CDC73: variants seen among roughly 807,000 people sequenced by gnomAD.
CDC73 encodes parafibromin.
Under a neutral mutation model 83.7 loss-of-function variants are expected in CDC73, and 21 were observed. The ratio of observed to expected loss-of-function variants is 0.25; its 90% CI spans 0.18 to 0.36. CDC73 has a LOEUF of 0.36. Among genes scored for constraint, CDC73 ranks in the 10% least tolerant of loss-of-function variants. The pLI is 1.00. For synonymous variants in CDC73, 224 were observed against 212.9 expected (o/e 1.05, Z -0.45); for missense variants, 342 against 653.3 (o/e 0.52, Z 5.19).
chr1:193,147,754 TG>T (rs1676027037), intron 7 of CDC73, 112 bp from the exon 8 acceptor site: 2 of 715,698 alleles, frequency 2.8e-6, no homozygotes, highest in African/African-American at 3.5e-5. Flanking sequence ...TGATACCTTA[TG>T]ACATATGTAG....
intron 13 of CDC73, among the ~76,000 whole-genome samples, chr1:193,215,438 G>T (rs1399539887): frequency 6.6e-6 from 1 of 152,086 alleles, no homozygotes; most frequent in Non-Finnish European, 1.5e-5. Flanking sequence ...AATACAACCA[G>T]ATCTCCTGAT....
intron 10 of CDC73, among the ~76,000 whole-genome samples, chr1:193,176,339 T>A (rs1676602357): frequency 6.6e-6 from 1 of 152,214 alleles, no homozygotes; most frequent in Non-Finnish European, 1.5e-5. Context: ...ACAAGAACTG[T>A]TTTGCTTTTT....
chr1:193,154,012 C>T (rs1676164629), intron 10 of CDC73, among the ~76,000 whole-genome samples: 2 of 152,218 alleles, frequency 1.3e-5, no homozygotes, highest in African/African-American at 4.8e-5. Context: ...GGATTAGATA[C>T]TCCCATCTTA....
chr1:193,154,796 C>G (rs554277813), intron 10 of CDC73, among the ~76,000 whole-genome samples: 1 of 151,998 alleles, frequency 6.6e-6, no homozygotes, highest in Admixed American at 6.6e-5. Context: ...CTCTTCTTTT[C>G]TGCTTTGGAA....
chr1:193,245,033 T>C (rs751292183), intron 15 of CDC73, among the ~76,000 whole-genome samples: 9 of 152,342 alleles, frequency 5.9e-5, no homozygotes, highest in Admixed American at 2.6e-4. Flanking sequence ...TGCCATATAA[T>C]TGTACATATT....
chr1:193,126,133 A>G (rs924370600), intron 2 of CDC73, among the ~76,000 whole-genome samples: 3 of 152,192 alleles, frequency 2.0e-5, no homozygotes, highest in African/African-American at 7.2e-5. Flanking sequence ...GTATTTATAG[A>G]GATGTTTAGA....
At position 193,168,104 on chromosome 1, in the gene CDC73, G is replaced by T. The variant is rs916301390; in HGVS notation, c.972+15660G>T. 1.3e-5 allele frequency among the ~76,000 whole-genome samples: 2 copies of T among 151,978 alleles called. 1 individual carries two copies. The highest frequency in any genetic ancestry group is 1.3e-4 in the Admixed American group (2 of 15,242). On this transcript the variant is annotated intron_variant, in intron 10 of 16. Transcript: ENST00000367435. ...CCAAACTCCTGACCTCAAGTGATCT[G>T]CCCGCCTCCACCTCTGAGTGCTGGG...
intron 10 of CDC73, chr1:193,181,691 A>G: frequency 4.3e-6 from 4 of 921,092 alleles, no homozygotes; most frequent in South Asian, 2.0e-5. Flanking sequence ...TTCTATAAAA[A>G]TGAAGCACAA....
At chr1:193,227,012 T>G (rs1006938314) in intron 13 of CDC73, among the ~76,000 whole-genome samples, 4 of 152,092 alleles carry the variant, frequency 2.6e-5, no homozygotes, top group Non-Finnish European at 5.9e-5. Flanking sequence ...TTGGTCTGTT[T>G]AGGGTATCCA....
rs565751599 is a variant in CDC73 at position 193,152,557 on chromosome 1, T to C, written c.972+113T>C. The C allele has an allele frequency of 2.9e-5, 21 of 722,972 alleles. No homozygotes were observed. The South Asian group carries it at 3.0e-4, about 10-fold the overall frequency. The allele number at this position is 722,972 out of a possible 1,614,324, so 44.8% of individuals were successfully genotyped here. ...TTTTTATTTCAAACATTTTTCTTTA[T>C]TGATCACTTGTGCTGATTGATCTGT... On this transcript the variant is annotated intron_variant, in intron 10 of 16. Transcript: ENST00000367435.
chr1:193,245,107 A>G (rs1572223344), intron 15 of CDC73, among the ~76,000 whole-genome samples: 2 of 152,234 alleles, frequency 1.3e-5, no homozygotes, highest in Non-Finnish European at 2.9e-5. Flanking sequence ...CATAATTAGC[A>G]TAGCTATCAT....
At chr1:193,236,449 T>A (rs1255582493) in intron 15 of CDC73, 93 bp downstream of exon 15, 3 of 840,136 alleles carry the variant, frequency 3.6e-6, no homozygotes, top group Non-Finnish European at 6.2e-6. Context: ...ATATGATGTG[T>A]ATGTCAAAAG....
At chr1:193,139,945 A>G (rs185376322) in intron 6 of CDC73, among the ~76,000 whole-genome samples, 245 of 152,240 alleles carry the variant, frequency 1.6e-3, no homozygotes, top group Non-Finnish European at 3.1e-3. Context: ...TCTTTATTCA[A>G]CCTTACATAG....
rs1197336597 is a variant in CDC73 at position 193,139,163 on chromosome 1, C to A, written c.512+990C>A. ...TATCTGTTAAATTCTTTCTTGAGTC[C>A]TTTTTGGATAGTTTCTGTTGTGTTT... is the stretch of plus-strand genomic sequence containing the variant. On this transcript the variant is annotated intron_variant, in intron 6 of 16. Transcript: ENST00000367435. Among the ~76,000 whole-genome samples, 3 of 151,808 alleles carry A rather than the reference C, an allele frequency of 2.0e-5. No homozygotes were observed. In the East Asian group the frequency reaches 5.8e-4, roughly 29 times the overall value.
At chr1:193,213,638 C>T (rs1201414671) in intron 13 of CDC73, among the ~76,000 whole-genome samples, 2 of 152,128 alleles carry the variant, frequency 1.3e-5, no homozygotes, top group Non-Finnish European at 2.9e-5. Flanking sequence ...TCTCATGGTA[C>T]TTCTTATTAA....
At chr1:193,139,640 A>G (rs981302186) in intron 6 of CDC73, among the ~76,000 whole-genome samples, 1 of 152,132 alleles carries the variant, frequency 6.6e-6, no homozygotes, top group Non-Finnish European at 1.5e-5. Flanking sequence ...CAAACATCAT[A>G]TATACTTTTT....
intron 10 of CDC73, among the ~76,000 whole-genome samples, chr1:193,196,793 A>AT (rs1445001288): frequency 3.3e-5 from 5 of 152,062 alleles, no homozygotes; most frequent in Non-Finnish European, 7.4e-5. Context: ...TTGTGTGTTG[A>AT]TTTTGTATTC....
intron 1 of CDC73, among the ~76,000 whole-genome samples, chr1:193,124,808 AT>A (rs1439262280): frequency 6.6e-6 from 1 of 152,238 alleles, no homozygotes; most frequent in East Asian, 1.9e-4. Flanking sequence ...CCTCTTCGAT[AT>A]GGATCTGGTT....
chr1:193,142,894 T>C (rs1468712915), intron 7 of CDC73, among the ~76,000 whole-genome samples: 1 of 152,202 alleles, frequency 6.6e-6, no homozygotes, highest in East Asian at 1.9e-4. Flanking sequence ...TATCCTGATT[T>C]ATGTACTTTC....
Sources: gnomAD v4.1 joint callset for allele counts (sites outside exome capture counted in the v4.1 genomes callset) on GRCh38, gnomAD v4.1.1 for gene constraint, MANE v1.5 for transcripts, NCBI Gene and HGNC (gene_info 2026-07-23, HGNC 2026-07-21) for gene names.